The following NUP214 variants were observed in gnomAD, a reference collection of about 807,000 sequenced individuals.
NUP214 encodes nucleoporin 214.
A neutral mutation model predicts 196.2 loss-of-function variants in NUP214; 79 were observed. The observed-to-expected ratio is 0.40, with a 90% CI of 0.34 to 0.49. The LOEUF (loss-of-function observed/expected upper bound fraction) is 0.49, where lower values mean the gene tolerates loss of function less well. NUP214 is among the 20% of genes least tolerant of loss of function. The probability of loss-of-function intolerance (pLI) is 0.58; values close to 1 mark genes in which losing one functional copy is unlikely to be tolerated. For synonymous variants in NUP214, 1,020 were observed against 990.5 expected (o/e 1.03, Z -0.56); for missense variants, 2,468 against 2,539.0 (o/e 0.97, Z 0.60).
rs1183550574 is a variant in NUP214, at chr9:131,197,644, A to G, written c.4150A>G (p.Thr1384Ala). ...TGCCCCCCCGGTGTTAGGGAAGCAC[A>G]CGGAGCCCCCTGTGACATCCTCTGC... ...FTAPPVLGKH[T>A]EPPVTSSATT... Residue 1384 changes from threonine to alanine, a missense_variant, in exon 29 of 36, where the codon ACG becomes GCG. By Grantham distance (58) the Thr-to-Ala change is moderately conservative (BLOSUM62 0). Transcript: ENST00000359428. The G allele has an allele frequency of 6.8e-6, 11 of 1,614,090 alleles. No individual in the cohort carries two copies. The highest frequency in any genetic ancestry group is 1.1e-5 in the South Asian group (1 of 91,076).
intron 32 of NUP214, among the ~76,000 whole-genome samples, 161 bp from the exon 33 acceptor site, chr9:131,227,999 G>GGGGGGGGGGGGGGGGA (rs1554743215): frequency 7.5e-6 from 1 of 133,274 alleles, no homozygotes; most frequent in Non-Finnish European, 1.6e-5. Context: ...GGGGAGGGGG[G>GGGGGGGGGGGGGGGGA]GTGTTGCCCT....
rs750444387 is a variant in NUP214, at chr9:131,192,195, TC to T, written c.3575-11del. ...TTTTTTTTTTTTTTTTTTTTTTTTT[TC>T]CATAATTTCAGGGACAGCCAAGATA... is the stretch of plus-strand genomic sequence containing the variant. On this transcript the variant is annotated splice_polypyrimidine_tract_variant and intron_variant, in intron 26 of 35. Coordinates refer to ENST00000359428, the MANE Select transcript of NUP214 (RefSeq NM_005085.4). 6.0e-5 allele frequency: 74 copies of T among 1,224,516 alleles called. No homozygotes were observed. Among genetic ancestry groups the T allele is most frequent in the South Asian group, 1.3e-4 (9 of 69,882 alleles). 75.9% of individuals were successfully genotyped at this position (1,224,516 alleles called of 1,614,324 possible).
intron 30 of NUP214, among the ~76,000 whole-genome samples, chr9:131,203,336 G>T (rs543146384): frequency 1.3e-5 from 2 of 152,256 alleles, no homozygotes; most frequent in South Asian, 2.1e-4. Flanking sequence ...AAGAGATGAG[G>T]ACACCGAAGG....
In NUP214 at chr9:131,197,642, A is replaced by T. The variant is rs774097438; in HGVS notation, c.4148A>T (p.His1383Leu). ...NFTAPPVLGK[H>L]TEPPVTSSAT... is the part of the protein sequence containing the mutation. ...ACTGCCCCCCCGGTGTTAGGGAAGC[A>T]CACGGAGCCCCCTGTGACATCCTCT... is the stretch of plus-strand genomic sequence containing the variant. The change falls in exon 29 of 36, where the codon CAC becomes CTC. Residue 1383 changes from histidine to leucine, a missense_variant. This residue lies in a region of NUP214 where 1,801 missense variants were observed against 1,779.4 expected (regional missense o/e 1.01). Coordinates refer to ENST00000359428, the MANE Select transcript of NUP214 (RefSeq NM_005085.4). 1.7e-5 allele frequency: 28 copies of T among 1,614,016 alleles called. No individual in the cohort carries two copies. Among genetic ancestry groups the T allele is most frequent in the Non-Finnish European group, 2.3e-5 (27 of 1,180,018 alleles).
chr9:131,167,342 A>G (rs1298486741), intron 21 of NUP214: 1 of 152,162 alleles, frequency 6.6e-6, no homozygotes, highest in Non-Finnish European at 1.5e-5. Flanking sequence ...GTTGCTCTGT[A>G]TAGGATTCTA....
chr9:131,199,086 T>C, intron 29 of NUP214, 71 bp downstream of exon 29: 1 of 1,501,672 alleles, frequency 6.7e-7, no homozygotes. Flanking sequence ...AGACCCCTAT[T>C]ACTTTTGTAA....
chr9:131,199,213 C>T (rs1259740669), intron 29 of NUP214, among the ~76,000 whole-genome samples, 198 bp downstream of exon 29: 3 of 152,188 alleles, frequency 2.0e-5, no homozygotes, highest in Non-Finnish European at 4.4e-5. Context: ...CAGCTTAATG[C>T]AGCTCCAGTT....
intron 30 of NUP214, among the ~76,000 whole-genome samples, chr9:131,205,691 T>C (rs1414930315): frequency 6.6e-6 from 1 of 152,154 alleles, no homozygotes; most frequent in Non-Finnish European, 1.5e-5. Flanking sequence ...TAGGTTTGTT[T>C]TTTTGTTGTT....
Position 131,146,908 on chromosome 9 carries a change from G to A in NUP214, c.1946-582G>A, listed in dbSNP as rs547053157. ...TCACGCCACTGCTCTCCAGCCTGGC[G>A]ACAGAGCGAGACTCTGTCTCAAAAA... On this transcript the variant is annotated intron_variant, in intron 13 of 35. Transcript: ENST00000359428. This position sits in a 1 kb window ranked among gnomAD's most constrained non-coding sequence, Gnocchi z 4.6. 2.1e-4 allele frequency among the ~76,000 whole-genome samples: 31 copies of A among 147,078 alleles called. No homozygotes were observed. The East Asian group carries it at 5.9e-3, about 28-fold the overall frequency.
At chr9:131,135,799 C>T in intron 8 of NUP214, 141 bp from the exon 9 acceptor site, 1 of 604,972 alleles carries the variant, frequency 1.7e-6, no homozygotes. Flanking sequence ...AGAATCTTCC[C>T]ACCTTTGTTC....
rs181279268 is a variant in NUP214, at chr9:131,151,694, G to C, written c.2278-42G>C. 4.1e-5 allele frequency: 62 copies of C among 1,527,636 alleles called. No individual in the cohort carries two copies. In the East Asian group the frequency reaches 8.2e-4, roughly 20 times the overall value. 94.6% of individuals were successfully genotyped at this position (1,527,636 alleles called of 1,614,324 possible). A position where few individuals can be genotyped will look rare whatever the true frequency, so the allele number is the denominator to read the frequency against. On this transcript the variant is annotated intron_variant, in intron 16 of 35. Coordinates refer to ENST00000359428, the MANE Select transcript of NUP214 (RefSeq NM_005085.4). ...TTGATCCAAACAGAAAGATTTGGAC[G>C]TAACAACTTTTTGTACCAACACATT...
intron 3 of NUP214, chr9:131,128,689 C>G: frequency 2.1e-6 from 1 of 478,572 alleles, no homozygotes; most frequent in Non-Finnish European, 3.6e-6. Context: ...GCCATCTGCC[C>G]TAAGTTGTTA....
Position 131,215,315 on chromosome 9 carries a change from AC to A in NUP214, c.5697del (p.Asn1899LysfsTer244). 1.2e-6 allele frequency: 2 copies of A among 1,608,990 alleles called. No individual in the cohort carries two copies. The highest frequency in any genetic ancestry group is 1.7e-6 in the Non-Finnish European group (2 of 1,177,668). On this transcript the variant is annotated frameshift_variant, in exon 31 of 36. Transcript: ENST00000359428. LOFTEE classifies it high-confidence loss of function. Reference protein sequence around the residue: ...LGGKPSQDAANKNPFSSASGG... With the variant: ...LGGKPSQDAAXKNPFSSASGG... ...GGAAAACCCAGTCAGGATGCAGCCA[AC>A]AAAAACCCATTCAGCTCGGCCAGTG... is the stretch of plus-strand genomic sequence containing the variant.
intron 30 of NUP214, among the ~76,000 whole-genome samples, chr9:131,202,755 T>G (rs1195671055): frequency 6.6e-6 from 1 of 151,772 alleles, no homozygotes; most frequent in Non-Finnish European, 1.5e-5. Context: ...TTTTATATTT[T>G]TAAGTGGTTG....
intron 35 of NUP214, among the ~76,000 whole-genome samples, chr9:131,233,160 T>C (rs980658607): frequency 2.6e-5 from 4 of 151,712 alleles, no homozygotes; most frequent in African/African-American, 9.7e-5. Flanking sequence ...AAAATATATA[T>C]ATATACATAT....
chr9:131,157,279 G>A (rs1026472347), intron 17 of NUP214, among the ~76,000 whole-genome samples: 3 of 151,662 alleles, frequency 2.0e-5, no homozygotes, highest in African/African-American at 7.3e-5. Flanking sequence ...TTCTGCTTCA[G>A]CCTCCTAAGT....
intron 9 of NUP214, 26 bp from the exon 10 acceptor site, chr9:131,139,255 C>CTTCTT: frequency 9.2e-7 from 1 of 1,090,524 alleles, no homozygotes; most frequent in South Asian, 2.1e-5. Flanking sequence ...TCTTCTTCTT[C>CTTCTT]TTTTTTTTTT....
At chr9:131,215,748 C>T (rs909457731) in intron 31 of NUP214, among the ~76,000 whole-genome samples, 1 of 152,152 alleles carries the variant, frequency 6.6e-6, no homozygotes, top group Admixed American at 6.5e-5. Context: ...TGCAGACTTT[C>T]ATTTGGATAG....
At chr9:131,163,410 A>C in intron 19 of NUP214, 1 of 499,200 alleles carries the variant, frequency 2.0e-6, no homozygotes, top group Non-Finnish European at 3.5e-6. Flanking sequence ...TATTACACTG[A>C]TGAAATGGGT....
Sources: gnomAD v4.1 joint callset for allele counts (sites outside exome capture counted in the v4.1 genomes callset) on GRCh38, gnomAD v4.1.1 for gene constraint, gnomAD v4.1.1 regional missense constraint, Gnocchi (gnomAD v3.1) non-coding constraint, MANE v1.5 for transcripts, NCBI Gene and HGNC (gene_info 2026-07-23, HGNC 2026-07-21) for gene names.